DTNA: variants seen among roughly 807,000 people sequenced by gnomAD.
The protein encoded by DTNA is dystrobrevin alpha, also known as dystrophin-related protein 3.
Under a neutral mutation model 100.7 loss-of-function variants are expected in DTNA, and 43 were observed. The observed-to-expected ratio is 0.43, with a 90% confidence interval of 0.33 to 0.55. The LOEUF (loss-of-function observed/expected upper bound fraction) is 0.55, where lower values mean the gene tolerates loss of function less well. Ranked by LOEUF, DTNA falls within the 20% of genes least tolerant of loss-of-function variation. The pLI is 0.04. For synonymous variants in DTNA, 349 were observed against 347.9 expected, an observed-to-expected ratio of 1.00 and a Z score of -0.04; for missense variants, 798 against 953.9, an observed-to-expected ratio of 0.84 and a Z score of 2.15.
intron 1 of DTNA, among the ~76,000 whole-genome samples, chr18:34,503,547 G>A (rs1193136016): frequency 6.6e-6 from 1 of 151,990 alleles, no homozygotes; most frequent in Non-Finnish European, 1.5e-5. Context: ...GCCTCCCAAA[G>A]CGCTGGGATT....
intron 1 of DTNA, among the ~76,000 whole-genome samples, chr18:34,611,876 G>A (rs750894183): frequency 1.3e-5 from 2 of 152,198 alleles, no homozygotes; most frequent in Admixed American, 1.3e-4. Flanking sequence ...CGGGCATCTC[G>A]CTGGGCAGGC....
chr18:34,719,940 G>A (rs2084911436), intron 1 of DTNA, among the ~76,000 whole-genome samples: 1 of 152,168 alleles, frequency 6.6e-6, no homozygotes, highest in African/African-American at 2.4e-5. Flanking sequence ...GAGAATGACT[G>A]CTGCTAATGG....
intron 1 of DTNA, among the ~76,000 whole-genome samples, chr18:34,533,660 AATAC>A (rs906814289): frequency 1.2e-3 from 182 of 152,278 alleles, no homozygotes; most frequent in African/African-American, 3.8e-3. Flanking sequence ...TCAATAAAAA[AATAC>A]ATACACAGAA....
chr18:34,826,246 C>T (rs549307297), intron 9 of DTNA, among the ~76,000 whole-genome samples: 1 of 151,194 alleles, frequency 6.6e-6, no homozygotes, highest in Non-Finnish European at 1.5e-5. Flanking sequence ...TTTATTTTTC[C>T]ATAAGTTATT....
intron 1 of DTNA, among the ~76,000 whole-genome samples, chr18:34,539,514 G>C (rs1265457917): frequency 3.3e-5 from 5 of 151,974 alleles, no homozygotes; most frequent in Non-Finnish European, 5.9e-5. Flanking sequence ...CTAATAAAGT[G>C]TCAGGAATCA....
intron 1 of DTNA, among the ~76,000 whole-genome samples, chr18:34,643,666 T>C (rs1410006190): frequency 6.6e-6 from 1 of 152,240 alleles, no homozygotes; most frequent in African/African-American, 2.4e-5. Flanking sequence ...ATCTGACCAG[T>C]ATCCCAATTT....
At chr18:34,557,459 T>C (rs1461915805) in intron 1 of DTNA, among the ~76,000 whole-genome samples, 1 of 152,148 alleles carries the variant, frequency 6.6e-6, no homozygotes, top group African/African-American at 2.4e-5. Flanking sequence ...TTTCAGAGTT[T>C]CCCGTTTTTC....
At chr18:34,799,211 A>G (rs1010245510) in intron 4 of DTNA, among the ~76,000 whole-genome samples, 1 of 152,296 alleles carries the variant, frequency 6.6e-6, no homozygotes, top group Admixed American at 6.5e-5. Flanking sequence ...AGAGAATACA[A>G]AATCCTGGTA....
intron 1 of DTNA, among the ~76,000 whole-genome samples, chr18:34,608,961 T>C (rs2053668212): frequency 6.6e-6 from 1 of 152,230 alleles, no homozygotes; most frequent in Non-Finnish European, 1.5e-5. Flanking sequence ...ACATGTAATG[T>C]CATTACTGAG....
chr18:34,501,425 C>A (rs2039908696), intron 1 of DTNA, among the ~76,000 whole-genome samples: 1 of 151,974 alleles, frequency 6.6e-6, no homozygotes, highest in African/African-American at 2.4e-5. Flanking sequence ...TTGTAGTTTT[C>A]TTTTTTTGGT....
chr18:34,557,443 T>A (rs1471992083), intron 1 of DTNA, among the ~76,000 whole-genome samples: 3 of 152,142 alleles, frequency 2.0e-5, no homozygotes, highest in African/African-American at 7.2e-5. Context: ...GGAGAGGCGC[T>A]CTGCGTTTCA....
At position 34,575,752 on chromosome 18, in the gene DTNA, CTG is replaced by C. The variant is rs558958092; in HGVS notation, c.-2+82240_-2+82241del. ...GGATTCTGATTTATCCTTCAAATGA[CTG>C]TATTATAGCCTTTGTGTAACATCAA... On this transcript the variant is annotated intron_variant, in intron 1 of 19. Transcript: ENST00000283365. Among the ~76,000 whole-genome samples the C allele has an allele frequency of 1.4e-3, 210 of 152,278 alleles. 1 individual carries two copies. Among genetic ancestry groups the C allele is most frequent in the Admixed American group, 1.7e-3 (26 of 15,298 alleles).
chr18:34,812,694 G>T (rs1304600485), intron 6 of DTNA, among the ~76,000 whole-genome samples: 1 of 152,090 alleles, frequency 6.6e-6, no homozygotes, highest in Non-Finnish European at 1.5e-5. Context: ...CAACACCTGG[G>T]AATTACAGTT....
intron 1 of DTNA, among the ~76,000 whole-genome samples, chr18:34,559,048 C>T (rs972185973): frequency 2.0e-5 from 3 of 152,120 alleles, no homozygotes; most frequent in Non-Finnish European, 2.9e-5. Context: ...TAGAAGCAAG[C>T]TGTGTGGTGA....
intron 15 of DTNA, among the ~76,000 whole-genome samples, chr18:34,854,999 A>G (rs745981377): frequency 6.6e-6 from 1 of 152,170 alleles, no homozygotes; most frequent in African/African-American, 2.4e-5. Flanking sequence ...TTTTTCCCCA[A>G]CATGACCCAC....
In DTNA at chr18:34,728,168, G is replaced by A. The variant is rs548909331; in HGVS notation, c.-2+17723G>A. 1.1e-4 allele frequency among the ~76,000 whole-genome samples: 16 copies of A among 152,262 alleles called. No homozygotes were observed. In the East Asian group the frequency reaches 1.9e-3, roughly 18 times the overall value. On this transcript the variant is annotated intron_variant, in intron 1 of 22. Coordinates refer to ENST00000444659, the MANE Select transcript of DTNA (RefSeq NM_001386795.1). ...ATGCAGCTACGTATAGAAGAAGCAA[G>A]AAGACTATCAGCTGCAATGTTAATA...
chr18:34,712,795 A>G (rs2146556547), intron 1 of DTNA, among the ~76,000 whole-genome samples: 1 of 152,270 alleles, frequency 6.6e-6, no homozygotes, highest in African/African-American at 2.4e-5. Flanking sequence ...GCCTAGAGTC[A>G]TAGACCAATA....
rs946243319 is a variant in DTNA, at chr18:34,740,336, G to C, written c.-1-15640G>C. ...CAGGAAATGGCTTGAGTACCCCCTG[G>C]GAAAAAGGCTTTGTTAAAAAGGAAC... On this transcript the variant is annotated intron_variant, in intron 1 of 22. Transcript: ENST00000444659. 3.9e-5 allele frequency among the ~76,000 whole-genome samples: 6 copies of C among 152,108 alleles called. No homozygotes were observed. In the East Asian group the frequency reaches 1.2e-3, roughly 29 times the overall value.
chr18:34,842,753 C>A (rs1214706230), intron 13 of DTNA, among the ~76,000 whole-genome samples: 5 of 152,168 alleles, frequency 3.3e-5, no homozygotes, highest in African/African-American at 7.2e-5. Context: ...AAGACACCTC[C>A]CCCAGTAGGT....
Sources: gnomAD v4.1 joint callset for allele counts (sites outside exome capture counted in the v4.1 genomes callset) on GRCh38, gnomAD v4.1.1 for gene constraint, MANE v1.5 for transcripts, NCBI Gene and HGNC (gene_info 2026-07-23, HGNC 2026-07-21) for gene names.